The following C1orf21 variants were observed in gnomAD, a reference collection of about 807,000 sequenced individuals.
C1orf21 encodes the protein chromosome 1 open reading frame 21.
In C1orf21, 3 loss-of-function variants were observed where a neutral mutation model predicts 18.7. The ratio of observed to expected loss-of-function variants is 0.16; its 90% CI spans 0.07 to 0.42. C1orf21 has a LOEUF of 0.42. C1orf21 is among the 10% of genes least tolerant of loss of function. The probability of loss-of-function intolerance (pLI) is 0.99; values close to 1 mark genes in which losing one functional copy is unlikely to be tolerated. For missense variants in C1orf21, 104 were observed against 143.6 expected (o/e 0.72, Z 1.41); for synonymous variants, 41 against 46.4 (o/e 0.88, Z 0.47).
intron 1 of C1orf21, among the ~76,000 whole-genome samples, chr1:184,475,403 T>G (rs1657554773): frequency 6.6e-6 from 1 of 151,884 alleles, no homozygotes; most frequent in Non-Finnish European, 1.5e-5. Context: ...CTCTTCCACA[T>G]TCTAGTGTCT....
chr1:184,528,753 A>C (rs1023852807), intron 3 of C1orf21, among the ~76,000 whole-genome samples: 6 of 152,174 alleles, frequency 3.9e-5, no homozygotes, highest in African/African-American at 1.4e-4. Flanking sequence ...TCATTGTGTT[A>C]AATTTTAATG....
chr1:184,570,725 C>CAGAA lies in C1orf21; in HGVS notation c.190-20013_190-20010dup, dbSNP rs568752820. Among the ~76,000 whole-genome samples the CAGAA allele has an allele frequency of 1.3e-3, 204 of 152,298 alleles. 1 individual carries two copies. Among genetic ancestry groups the CAGAA allele is most frequent in the Middle Eastern group, 3.4e-3 (1 of 294 alleles). The stretch of plus-strand genomic sequence containing the variant: ...AAAATAATGCAACTGAGTGCTAAGG[C>CAGAA]AGAACATCTTGCCAGATGTAATGAA... On this transcript the variant is annotated intron_variant, in intron 3 of 5. Transcript: ENST00000235307.
chr1:184,549,533 T>A (rs1201165182), intron 3 of C1orf21, among the ~76,000 whole-genome samples: 1 of 151,960 alleles, frequency 6.6e-6, no homozygotes, highest in East Asian at 1.9e-4. Flanking sequence ...TATTTTGTAG[T>A]CTCTAGTTTT....
chr1:184,526,946 C>T (rs766559639), intron 3 of C1orf21, among the ~76,000 whole-genome samples: 1 of 152,134 alleles, frequency 6.6e-6, no homozygotes, highest in African/African-American at 2.4e-5. Flanking sequence ...AGGAGGCAAG[C>T]CAGTAAGCAG....
chr1:184,416,634 T>A (rs1169390225), intron 1 of C1orf21, among the ~76,000 whole-genome samples: 1 of 152,200 alleles, frequency 6.6e-6, no homozygotes, highest in Non-Finnish European at 1.5e-5. Context: ...GGGCTACACC[T>A]CATTTTTATG....
chr1:184,613,431 C>T (rs1027820914), intron 5 of C1orf21, among the ~76,000 whole-genome samples: 18 of 152,194 alleles, frequency 1.2e-4, no homozygotes, highest in Non-Finnish European at 2.4e-4. Context: ...GGTTGCCTCT[C>T]TTTGCAGTCC....
chr1:184,613,459 G>C lies in C1orf21; in HGVS notation c.328-6059G>C, dbSNP rs984262776. 2.6e-5 allele frequency among the ~76,000 whole-genome samples: 4 copies of C among 152,270 alleles called. No homozygotes were observed. In the East Asian group the frequency reaches 7.7e-4, roughly 29 times the overall value. ...TGCAGTCCTGTTGCCCCTCTCCTAAGTTCCAAGCTATTCATGTAACAGGGC... is the reference window on the plus strand; with the variant it reads ...TGCAGTCCTGTTGCCCCTCTCCTAACTTCCAAGCTATTCATGTAACAGGGC... On this transcript the variant is annotated intron_variant, in intron 5 of 5. Coordinates refer to ENST00000235307, the MANE Select transcript of C1orf21 (RefSeq NM_030806.4).
chr1:184,489,192 G>A (rs1657778328), intron 2 of C1orf21, among the ~76,000 whole-genome samples: 1 of 152,080 alleles, frequency 6.6e-6, no homozygotes, highest in Non-Finnish European at 1.5e-5. Flanking sequence ...AATAATATTT[G>A]CAATACAACT....
At chr1:184,413,054 A>T (rs533644074) in intron 1 of C1orf21, among the ~76,000 whole-genome samples, 1 of 152,268 alleles carries the variant, frequency 6.6e-6, no homozygotes, top group South Asian at 2.1e-4. Flanking sequence ...GGAGGAATTA[A>T]CTCTCAGGAT....
intron 1 of C1orf21, among the ~76,000 whole-genome samples, chr1:184,394,979 A>G (rs1440016935): frequency 6.6e-6 from 1 of 151,864 alleles, no homozygotes; most frequent in Non-Finnish European, 1.5e-5. Flanking sequence ...GGCCTCCCCA[A>G]CACCCACCCC....
chr1:184,496,176 T>C (rs1460507996), intron 2 of C1orf21, among the ~76,000 whole-genome samples: 1 of 152,106 alleles, frequency 6.6e-6, no homozygotes, highest in Non-Finnish European at 1.5e-5. Flanking sequence ...CCATAGAGCA[T>C]CCTGAAGGAG....
At position 184,460,610 on chromosome 1, in the gene C1orf21, T is replaced by TGTC. The variant is rs148278320; in HGVS notation, c.-124-16766_-124-16764dup. The stretch of plus-strand genomic sequence containing the variant: ...GCATCTGGAGTTGGGCTGTTAGTAT[T>TGTC]GTCGTCGTCGTCTTCTTCTTCTTCT... On this transcript the variant is annotated intron_variant, in intron 1 of 5. Coordinates refer to ENST00000235307, the MANE Select transcript of C1orf21 (RefSeq NM_030806.4). Among the ~76,000 whole-genome samples, 382 of 138,814 alleles carry TGTC rather than the reference T, an allele frequency of 2.8e-3. 2 individuals carry two copies. The highest frequency in any genetic ancestry group is 0.011 in the Middle Eastern group (3 of 282). 91.1% of individuals were successfully genotyped at this position (138,814 alleles called of 152,430 possible). A position where few individuals can be genotyped will look rare whatever the true frequency, so the allele number is the denominator to read the frequency against.
intron 1 of C1orf21, among the ~76,000 whole-genome samples, chr1:184,420,186 T>G (rs1214558488): frequency 6.6e-6 from 1 of 151,930 alleles, no homozygotes; most frequent in Non-Finnish European, 1.5e-5. Flanking sequence ...AGAGCCAGGA[T>G]TTAGGTTGTG....
At chr1:184,583,576 A>C (rs1384948506) in intron 3 of C1orf21, among the ~76,000 whole-genome samples, 1 of 152,220 alleles carries the variant, frequency 6.6e-6, no homozygotes, top group Non-Finnish European at 1.5e-5. Flanking sequence ...GTAGAGAGCC[A>C]AATGGGGAAA....
intron 1 of C1orf21, among the ~76,000 whole-genome samples, chr1:184,434,067 G>A (rs539454123): frequency 6.6e-6 from 1 of 152,222 alleles, no homozygotes; most frequent in East Asian, 1.9e-4. Flanking sequence ...CCTGTGTACT[G>A]TAATTATTTT....
chr1:184,397,877 A>G (rs1656086488), intron 1 of C1orf21, among the ~76,000 whole-genome samples: 1 of 152,238 alleles, frequency 6.6e-6, no homozygotes, highest in African/African-American at 2.4e-5. Flanking sequence ...ATGAATAGCC[A>G]TCAATTGTAA....
At chr1:184,516,631 A>G (rs549559362) in intron 3 of C1orf21, among the ~76,000 whole-genome samples, 6 of 152,182 alleles carry the variant, frequency 3.9e-5, no homozygotes, top group Non-Finnish European at 8.8e-5. Flanking sequence ...GCAAAGAGAG[A>G]ATGAGGAAGA....
chr1:184,521,676 G>A (rs1325512582), intron 3 of C1orf21, among the ~76,000 whole-genome samples: 3 of 152,136 alleles, frequency 2.0e-5, no homozygotes, highest in East Asian at 3.8e-4. Context: ...TACTGTAATG[G>A]TAGGTACATG....
At chr1:184,410,608 CCATATATAT>C (rs1656317482) in intron 1 of C1orf21, among the ~76,000 whole-genome samples, 7 of 53,976 alleles carry the variant, frequency 1.3e-4, no homozygotes, top group Non-Finnish European at 2.0e-4. Flanking sequence ...GATTAATTTG[CCATATATAT>C]TATATATATA....
Sources: allele counts gnomAD v4.1 joint callset (sites outside exome capture counted in the v4.1 genomes callset), GRCh38; gene constraint gnomAD v4.1.1; transcripts MANE v1.5; gene names NCBI Gene and HGNC (gene_info 2026-07-23, HGNC 2026-07-21).